Variants in FNBP1 observed in about 807,000 individuals in gnomAD.
FNBP1 encodes formin binding protein 1, also known as formin-binding protein 1.
A neutral mutation model predicts 90.6 loss-of-function variants in FNBP1; 26 were observed. The observed-to-expected ratio is 0.29, with a 90% CI of 0.21 to 0.40. FNBP1 has a LOEUF of 0.40. FNBP1 is among the 10% of genes least tolerant of loss of function. The probability of loss-of-function intolerance (pLI) is 1.00; values close to 1 mark genes in which losing one functional copy is unlikely to be tolerated. For synonymous variants in FNBP1, 260 were observed against 265.2 expected, an observed-to-expected ratio of 0.98 and a Z score of 0.19; for missense variants, 635 against 768.0, an observed-to-expected ratio of 0.83 and a Z score of 2.05.
intron 4 of FNBP1, among the ~76,000 whole-genome samples, chr9:129,964,056 A>G (rs1191970653): frequency 1.3e-5 from 2 of 152,174 alleles, no homozygotes; most frequent in African/African-American, 4.8e-5. Flanking sequence ...CATGACCTGA[A>G]TAGCTGGGGT....
intron 4 of FNBP1, among the ~76,000 whole-genome samples, chr9:129,970,940 G>A (rs1031976744): frequency 2.6e-5 from 4 of 152,134 alleles, no homozygotes; most frequent in Non-Finnish European, 4.4e-5. Flanking sequence ...ACGCTTGAGT[G>A]CAGTGGTGCA....
chr9:130,035,115 C>A (rs893020415), intron 1 of FNBP1, among the ~76,000 whole-genome samples: 1 of 152,136 alleles, frequency 6.6e-6, no homozygotes, highest in Non-Finnish European at 1.5e-5. Context: ...TGCCACTGCA[C>A]CCCAGCCTGG....
At chr9:129,915,008 G>T in intron 11 of FNBP1, 1 of 352,776 alleles carries the variant, frequency 2.8e-6, no homozygotes. Flanking sequence ...TTTGACTGTT[G>T]ACTAGGCATA....
At chr9:130,051,080 T>C in the FNBP1 span, among the ~76,000 whole-genome samples, 2 of 152,094 alleles carry the variant, frequency 1.3e-5, no homozygotes, top group Non-Finnish European at 2.9e-5. Flanking sequence ...TTTGTATTTT[T>C]AGTAGAGATG....
intron 10 of FNBP1, among the ~76,000 whole-genome samples, chr9:129,919,708 A>G (rs2040809444): frequency 6.6e-6 from 1 of 152,260 alleles, no homozygotes; most frequent in Admixed American, 6.5e-5. Flanking sequence ...GATCATAGAA[A>G]CAAATTATTG....
At chr9:129,971,393 T>G (rs1352570612) in intron 4 of FNBP1, among the ~76,000 whole-genome samples, 4 of 152,068 alleles carry the variant, frequency 2.6e-5, no homozygotes, top group African/African-American at 9.7e-5. Context: ...TAGATTTTTG[T>G]TTTTTGTTTT....
the FNBP1 span, chr9:130,053,816 ACCACAGGGTCAGCGGAGCTAGCCGCCGAG>A: frequency 2.0e-6 from 2 of 993,446 alleles, no homozygotes; most frequent in Non-Finnish European, 3.0e-6. Context: ...CAGGAAAACG[ACCACAGGGTCAGCGGAGCTAGCCGCCGAG>A]CCCCGCTCCC....
chr9:129,957,308 G>C lies in FNBP1; in HGVS notation c.513+52C>G. 1 of 1,314,442 alleles carries C rather than the reference G, an allele frequency of 7.6e-7. No individual in the cohort carries two copies. The highest frequency in any genetic ancestry group is 1.1e-6 in the Non-Finnish European group (1 of 913,638). The allele number at this position is 1,314,442 out of a possible 1,614,324, so 81.4% of individuals were successfully genotyped here. A position where few individuals can be genotyped will look rare whatever the true frequency, so the allele number is the denominator to read the frequency against. On this transcript the variant is annotated intron_variant, in intron 6 of 16. Coordinates refer to ENST00000446176, the MANE Select transcript of FNBP1 (RefSeq NM_015033.3). The surrounding 1 kb of genome is among the most constrained non-coding windows in gnomAD (Gnocchi z 4.3). ...TCACCTCAGCCTCCCAAAGTGCTGG[G>C]ATTACAGGCGTGAGCCACCGTGCCC...
chr9:129,931,344 C>A (rs1029251555), intron 6 of FNBP1, among the ~76,000 whole-genome samples: 1 of 152,080 alleles, frequency 6.6e-6, no homozygotes, highest in African/African-American at 2.4e-5. Context: ...TGGCTCACGC[C>A]TGTAATCCTA....
chr9:129,892,366 GACACACACACACACACACACAC>G (rs3138855), intron 16 of FNBP1, among the ~76,000 whole-genome samples: 2 of 103,428 alleles, frequency 1.9e-5, no homozygotes, highest in African/African-American at 4.2e-5. Flanking sequence ...GCACATCGTA[GACACACACACACACACACACAC>G]ACACACACAC....
chr9:130,042,847 G>A lies in FNBP1; in HGVS notation c.24+105C>T, dbSNP rs569543590. Reference sequence around the variant, plus strand: ...CCAGGCCGCGAGGACCCCGACCAGCGCGCCCTCGCCTCCGCCCAGCAGCGC... The same window carrying A: ...CCAGGCCGCGAGGACCCCGACCAGCACGCCCTCGCCTCCGCCCAGCAGCGC... On this transcript the variant is annotated intron_variant, in intron 1 of 16. Coordinates refer to ENST00000446176, the MANE Select transcript of FNBP1 (RefSeq NM_015033.3). This position sits in a 1 kb window ranked among gnomAD's most constrained non-coding sequence, Gnocchi z 5.5. The A allele has an allele frequency of 9.2e-4, 686 of 749,384 alleles. 2 individuals are homozygous for A. Among genetic ancestry groups the A allele is most frequent in the African/African-American group, 5.6e-3 (308 of 54,534 alleles). The allele number at this position is 749,384 out of a possible 1,614,324, so 46.4% of individuals were successfully genotyped here.
chr9:130,014,138 C>T (rs1347022913), intron 1 of FNBP1: 1 of 446,820 alleles, frequency 2.2e-6, no homozygotes, highest in Admixed American at 2.4e-5. Flanking sequence ...ATGTTCAATG[C>T]AAAATTCTGA....
intron 1 of FNBP1, among the ~76,000 whole-genome samples, chr9:130,002,028 CA>C (rs56320987): frequency 0.023 from 1,879 of 82,960 alleles, 53 homozygotes; most frequent in African/African-American, 0.072. Context: ...ACTTCTGCCT[CA>C]AAAAAAAAAA....
At chr9:129,980,348 G>A (rs1248034069) in intron 2 of FNBP1, among the ~76,000 whole-genome samples, 4 of 141,532 alleles carry the variant, frequency 2.8e-5, no homozygotes, top group African/African-American at 7.8e-5. Context: ...CAACAAGAGC[G>A]AAACTCCATC....
intron 6 of FNBP1, among the ~76,000 whole-genome samples, chr9:129,941,040 C>T (rs564459204): frequency 6.6e-6 from 1 of 152,150 alleles, no homozygotes; most frequent in Non-Finnish European, 1.5e-5. Context: ...AAGGGAAATA[C>T]AAGGTCTTCA....
chr9:130,050,722 G>A, the FNBP1 span, among the ~76,000 whole-genome samples: 1 of 149,166 alleles, frequency 6.7e-6, no homozygotes, highest in Non-Finnish European at 1.5e-5. Flanking sequence ...TTACTCCAGT[G>A]TTGACTCCTG....
intron 12 of FNBP1, among the ~76,000 whole-genome samples, chr9:129,906,981 T>C (rs2038193416): frequency 1.3e-5 from 2 of 152,286 alleles, no homozygotes; most frequent in Non-Finnish European, 2.9e-5. Flanking sequence ...GGTTTCACCA[T>C]GTTGGCCAGG....
intron 1 of FNBP1, among the ~76,000 whole-genome samples, chr9:130,005,982 G>GAGCCCCTCTGCCGGGCCAGCCACCCCGT (rs1554851634): frequency 6.6e-6 from 1 of 152,086 alleles, no homozygotes; most frequent in Non-Finnish European, 1.5e-5. Context: ...GTCTCCTATA[G>GAGCCCCTCTGCCGGGCCAGCCACCCCGT]CAGGAGCCTG....
intron 4 of FNBP1, among the ~76,000 whole-genome samples, chr9:129,959,181 C>T (rs1280108314): frequency 6.6e-6 from 1 of 151,366 alleles, no homozygotes; most frequent in Admixed American, 6.6e-5. Flanking sequence ...CACCTGTAGT[C>T]AGTTACTTGG....
Sources: allele counts gnomAD v4.1 joint callset (sites outside exome capture counted in the v4.1 genomes callset), GRCh38; gene constraint gnomAD v4.1.1; non-coding constraint Gnocchi (gnomAD v3.1); transcripts MANE v1.5; gene names NCBI Gene and HGNC (gene_info 2026-07-23, HGNC 2026-07-21).